Variants in VRK2 observed in about 807,000 individuals in gnomAD.
The protein encoded by VRK2 is VRK serine/threonine kinase 2.
In VRK2, 60 loss-of-function variants were observed where a neutral mutation model predicts 57.6. The ratio of observed to expected loss-of-function variants is 1.04; its 90% CI spans 0.85 to 1.29. The LOEUF (loss-of-function observed/expected upper bound fraction) is 1.29, where lower values mean the gene tolerates loss of function less well. Ranked by LOEUF, VRK2 falls within the 50% of genes most tolerant of loss-of-function variation. VRK2 has a pLI of 0.00. For synonymous variants in VRK2, 231 were observed against 199.2 expected (o/e 1.16, Z -1.35); for missense variants, 705 against 588.1 (o/e 1.20, Z -2.06).
rs565476212 is a variant in VRK2 at position 58,055,201 on chromosome 2, C to T, written c.136+6234C>T. ...ACCCATCTTTGATTGGCACCTATGCCCTATTGAAACTGGCATCACACCTTC... is the reference window on the plus strand; with the variant it reads ...ACCCATCTTTGATTGGCACCTATGCTCTATTGAAACTGGCATCACACCTTC... On this transcript the variant is annotated intron_variant, in intron 2 of 12. Coordinates refer to ENST00000340157, the MANE Select transcript of VRK2 (RefSeq NM_006296.7). Among the ~76,000 whole-genome samples the T allele has an allele frequency of 5.9e-5, 9 of 152,208 alleles. No homozygotes were observed. The South Asian group carries it at 8.3e-4, about 14-fold the overall frequency.
chr2:58,059,374 T>C (rs1465550381), intron 2 of VRK2, among the ~76,000 whole-genome samples: 1 of 151,986 alleles, frequency 6.6e-6, no homozygotes, highest in Admixed American at 6.6e-5. Flanking sequence ...AAGATCTAAA[T>C]AGACCTGTTT....
chr2:57,908,519 T>TA (rs546937617), intron 1 of VRK2, among the ~76,000 whole-genome samples: 63 of 147,988 alleles, frequency 4.3e-4, no homozygotes, highest in Admixed American at 4.7e-4. Context: ...ATGAAAACAT[T>TA]AAAAAAAAAA....
chr2:58,067,853 A>G (rs1668816969), intron 2 of VRK2, among the ~76,000 whole-genome samples: 3 of 150,804 alleles, frequency 2.0e-5, no homozygotes, highest in Admixed American at 2.0e-4. Context: ...TAATATTCCA[A>G]ATTTCCTTGT....
chr2:57,971,223 C>T lies in VRK2; in HGVS notation c.-438-54442C>T, dbSNP rs78192568. Among the ~76,000 whole-genome samples the T allele has an allele frequency of 2.1e-3, 320 of 152,082 alleles. 1 individual carries two copies. The highest frequency in any genetic ancestry group is 3.8e-3 in the Non-Finnish European group (261 of 67,912). On this transcript the variant is annotated intron_variant, in intron 1 of 15. Coordinates refer to the VRK2 transcript ENST00000417641. ...AAATCCAGAGGAAATCAGGTGCAAA[C>T]TTGCAAGAGCCCTCTCCTAGTGGGA...
chr2:58,104,312 C>T (rs1674432930), intron 7 of VRK2, among the ~76,000 whole-genome samples: 2 of 151,472 alleles, frequency 1.3e-5, no homozygotes, highest in African/African-American at 2.4e-5. Flanking sequence ...TTTAGAAAAC[C>T]CTAAAAACTC....
intron 12 of VRK2, among the ~76,000 whole-genome samples, chr2:58,156,583 TTTTTGTTTTGTTTTG>T (rs200825336): frequency 6.9e-5 from 10 of 144,932 alleles, no homozygotes; most frequent in African/African-American, 2.6e-4. Flanking sequence ...GGTGGTGTTT[TTTTTGTTTTGTTTTG>T]TTTTGTTTTG....
At chr2:57,940,290 G>A (rs956943113) in intron 1 of VRK2, among the ~76,000 whole-genome samples, 3 of 152,034 alleles carry the variant, frequency 2.0e-5, no homozygotes, top group African/African-American at 7.2e-5. Flanking sequence ...TCAAGGAAAA[G>A]AGAGGACTCA....
rs183084096 is a variant in VRK2 at position 58,086,467 on chromosome 2, A to G, written c.344+41A>G. ...TATAATCAAATATTTCTTTATAACT[A>G]TTCCTTATGTGGTCTATGAGTTAAC... On this transcript the variant is annotated intron_variant, in intron 5 of 12. Transcript: ENST00000340157. 1,149 of 1,510,128 alleles carry G rather than the reference A, an allele frequency of 7.6e-4. 9 individuals carry two copies. In the African/African-American group the frequency reaches 0.015, roughly 19 times the overall value. The allele number at this position is 1,510,128 out of a possible 1,614,324, so 93.5% of individuals were successfully genotyped here.
At chr2:58,113,246 T>C (rs912808833) in intron 7 of VRK2, among the ~76,000 whole-genome samples, 3 of 150,628 alleles carry the variant, frequency 2.0e-5, no homozygotes, top group Non-Finnish European at 3.0e-5. Flanking sequence ...GAGGCGGAGG[T>C]TGCAGTGAGC....
At chr2:58,158,311 GAGT>G (rs2104741683) in intron 12 of VRK2, among the ~76,000 whole-genome samples, 1 of 152,300 alleles carries the variant, frequency 6.6e-6, no homozygotes, top group South Asian at 2.1e-4. Context: ...AGCTCAGAAA[GAGT>G]AGTTTAAAAT....
intron 1 of VRK2, among the ~76,000 whole-genome samples, chr2:57,945,500 C>G (rs768623491): frequency 7.9e-5 from 12 of 152,260 alleles, no homozygotes; most frequent in Non-Finnish European, 1.3e-4. Flanking sequence ...TTCACCATAC[C>G]TGTAAAGTTT....
intron 1 of VRK2, among the ~76,000 whole-genome samples, chr2:57,916,098 T>C (rs1050971635): frequency 2.0e-5 from 3 of 151,986 alleles, no homozygotes; most frequent in African/African-American, 7.2e-5. Context: ...CCTCCACAAA[T>C]GTTTCAATCT....
chr2:57,985,384 A>G (rs1479600384), intron 1 of VRK2, among the ~76,000 whole-genome samples: 2 of 152,080 alleles, frequency 1.3e-5, no homozygotes, highest in African/African-American at 4.8e-5. Flanking sequence ...TTCTGTGGCT[A>G]TTTTGTAAAT....
chr2:58,013,351 T>C (rs1479700056), intron 1 of VRK2, among the ~76,000 whole-genome samples: 1 of 152,232 alleles, frequency 6.6e-6, no homozygotes, highest in Non-Finnish European at 1.5e-5. Context: ...AAATGCATAA[T>C]GAGGCAGCAA....
intron 7 of VRK2, among the ~76,000 whole-genome samples, chr2:58,117,984 G>T (rs1428520943): frequency 6.7e-6 from 1 of 150,328 alleles, no homozygotes; most frequent in African/African-American, 2.5e-5. Context: ...AGGAATTGGG[G>T]CACAGAGATA....
chr2:58,090,933 A>G (rs1374753326), intron 7 of VRK2, among the ~76,000 whole-genome samples: 2 of 152,328 alleles, frequency 1.3e-5, no homozygotes, highest in East Asian at 1.9e-4. Flanking sequence ...GTATTTTACT[A>G]TGTAAAAGAA....
At chr2:58,034,965 G>A (rs1674230612) in intron 3 of VRK2, among the ~76,000 whole-genome samples, 1 of 151,980 alleles carries the variant, frequency 6.6e-6, no homozygotes, top group Non-Finnish European at 1.5e-5. Flanking sequence ...AAATGAGGCT[G>A]TGCTCCTGAT....
At chr2:57,971,372 G>T (rs1672093611) in intron 1 of VRK2, among the ~76,000 whole-genome samples, 1 of 151,852 alleles carries the variant, frequency 6.6e-6, no homozygotes, top group South Asian at 2.1e-4. Flanking sequence ...AGAAAGCAGG[G>T]TTCACCATAA....
chr2:57,966,923 T>C (rs1671936511), intron 1 of VRK2, among the ~76,000 whole-genome samples: 1 of 151,974 alleles, frequency 6.6e-6, no homozygotes, highest in South Asian at 2.1e-4. Context: ...CAGACAGTAG[T>C]GAAGGTCTAG....
Sources: allele counts gnomAD v4.1 joint callset (sites outside exome capture counted in the v4.1 genomes callset), GRCh38; gene constraint gnomAD v4.1.1; transcripts MANE v1.5; gene names NCBI Gene and HGNC (gene_info 2026-07-23, HGNC 2026-07-21).